The following RAPGEF4 variants were observed in gnomAD, a reference collection of about 807,000 sequenced individuals.
The protein encoded by RAPGEF4 is Rap guanine nucleotide exchange factor 4.
Under a neutral mutation model 147.9 loss-of-function variants are expected in RAPGEF4, and 66 were observed. The ratio of observed to expected loss-of-function variants is 0.45; its 90% confidence interval spans 0.37 to 0.55. The LOEUF is 0.55. Among genes scored for constraint, RAPGEF4 ranks in the 20% least tolerant of loss-of-function variants. RAPGEF4 has a pLI of 0.00. For synonymous variants in RAPGEF4, 419 were observed against 442.7 expected (o/e 0.95, Z 0.67); for missense variants, 1,071 against 1,257.3 (o/e 0.85, Z 2.24).
At chr2:172,788,498 A>C (rs1305171057) in intron 1 of RAPGEF4, among the ~76,000 whole-genome samples, 1 of 152,208 alleles carries the variant, frequency 6.6e-6, no homozygotes, top group Admixed American at 6.5e-5. Context: ...TAGCTGCTTA[A>C]AAAAGCATAC....
chr2:172,823,581 T>C (rs1192194131), intron 4 of RAPGEF4, among the ~76,000 whole-genome samples: 4 of 152,128 alleles, frequency 2.6e-5, no homozygotes, highest in Admixed American at 6.5e-5. Context: ...GTCATGGGAC[T>C]TTCCTGCTCT....
intron 10 of RAPGEF4, among the ~76,000 whole-genome samples, chr2:172,977,951 G>A (rs1237477244): frequency 1.3e-5 from 2 of 152,142 alleles, no homozygotes. Context: ...CAGACCACAG[G>A]GTTGGGGTTT....
intron 1 of RAPGEF4, among the ~76,000 whole-genome samples, chr2:172,738,286 C>G (rs1420819791): frequency 6.6e-6 from 1 of 152,138 alleles, no homozygotes; most frequent in African/African-American, 2.4e-5. Flanking sequence ...TCTTGATCTT[C>G]TTTTCCAGGC....
At chr2:172,885,150 T>C (rs1697047153) in intron 4 of RAPGEF4, among the ~76,000 whole-genome samples, 1 of 152,238 alleles carries the variant, frequency 6.6e-6, no homozygotes, top group Non-Finnish European at 1.5e-5. Flanking sequence ...CGTTTGACCA[T>C]GAGGGCTGAA....
chr2:172,945,156 A>G (rs148024801), intron 6 of RAPGEF4, among the ~76,000 whole-genome samples: 21 of 152,300 alleles, frequency 1.4e-4, no homozygotes, highest in African/African-American at 5.1e-4. Context: ...CAACTTGATG[A>G]TAAAAGAAAA....
At chr2:172,793,989 G>C (rs962188457) in intron 1 of RAPGEF4, among the ~76,000 whole-genome samples, 1 of 152,002 alleles carries the variant, frequency 6.6e-6, no homozygotes, top group Non-Finnish European at 1.5e-5. Context: ...TTAGCTGGAC[G>C]TGGTGGAGTG....
chr2:173,033,697 A>C (rs1212120885), intron 26 of RAPGEF4, among the ~76,000 whole-genome samples: 2 of 152,192 alleles, frequency 1.3e-5, no homozygotes, highest in African/African-American at 2.4e-5. Flanking sequence ...ATTCATAGTT[A>C]CTTTTGGTTC....
chr2:172,755,920 A>G (rs1040679108), intron 1 of RAPGEF4, among the ~76,000 whole-genome samples: 2 of 152,158 alleles, frequency 1.3e-5, no homozygotes, highest in Non-Finnish European at 2.9e-5. Flanking sequence ...AGTTCTATGT[A>G]ATTTCATCAC....
At chr2:172,969,860 GA>G (rs989956709) in intron 10 of RAPGEF4, among the ~76,000 whole-genome samples, 1 of 152,132 alleles carries the variant, frequency 6.6e-6, no homozygotes, top group African/African-American at 2.4e-5. Flanking sequence ...ATACACCATT[GA>G]ATCGCATGAT....
intron 1 of RAPGEF4, among the ~76,000 whole-genome samples, chr2:172,750,980 G>GTTAT (rs1695233012): frequency 6.6e-6 from 1 of 152,122 alleles, no homozygotes; most frequent in Non-Finnish European, 1.5e-5. Context: ...GCAGTCATTA[G>GTTAT]TTATTTACTG....
intron 4 of RAPGEF4, among the ~76,000 whole-genome samples, chr2:172,878,121 C>G (rs571666104): frequency 6.6e-6 from 1 of 152,108 alleles, no homozygotes; most frequent in Non-Finnish European, 1.5e-5. Context: ...AATTCTACAC[C>G]CACCTGGTGT....
intron 6 of RAPGEF4, among the ~76,000 whole-genome samples, chr2:172,953,828 C>T (rs1688464189): frequency 6.6e-6 from 1 of 152,108 alleles, no homozygotes; most frequent in Non-Finnish European, 1.5e-5. Context: ...CACTTCTCTG[C>T]TACTAGTGTA....
At chr2:172,753,096 G>A (rs1425689488) in intron 1 of RAPGEF4, among the ~76,000 whole-genome samples, 1 of 151,964 alleles carries the variant, frequency 6.6e-6, no homozygotes, top group South Asian at 2.1e-4. Flanking sequence ...ATATCCACAG[G>A]AGAAATGAGC....
At chr2:172,920,718 CTG>C (rs973394974) in intron 5 of RAPGEF4, among the ~76,000 whole-genome samples, 1 of 152,090 alleles carries the variant, frequency 6.6e-6, no homozygotes, top group Non-Finnish European at 1.5e-5. Context: ...ATTTGTGCAA[CTG>C]TGTATTTATC....
At chr2:172,881,709 A>G (rs1696653424) in intron 4 of RAPGEF4, among the ~76,000 whole-genome samples, 1 of 152,256 alleles carries the variant, frequency 6.6e-6, no homozygotes, top group African/African-American at 2.4e-5. Flanking sequence ...AATATCAGTG[A>G]AAGTGCTAAC....
chr2:172,746,931 T>C (rs1694827038), intron 1 of RAPGEF4, among the ~76,000 whole-genome samples: 1 of 152,170 alleles, frequency 6.6e-6, no homozygotes, highest in Non-Finnish European at 1.5e-5. Flanking sequence ...TACTTATAAA[T>C]TGGTGAAAAG....
intron 4 of RAPGEF4, 49 bp downstream of exon 4, chr2:172,814,474 G>C: frequency 6.3e-7 from 1 of 1,589,048 alleles, no homozygotes; most frequent in Non-Finnish European, 8.6e-7. Context: ...AGAAAAGAAA[G>C]GGAGCTGCCA....
At chr2:173,029,019 A>G (rs1298995811) in intron 25 of RAPGEF4, among the ~76,000 whole-genome samples, 3 of 152,228 alleles carry the variant, frequency 2.0e-5, no homozygotes. Flanking sequence ...GATCACATAA[A>G]GGACAGAGGC....
chr2:172,969,067 G>T (rs1690179619), intron 10 of RAPGEF4, among the ~76,000 whole-genome samples: 1 of 152,248 alleles, frequency 6.6e-6, no homozygotes, highest in African/African-American at 2.4e-5. Flanking sequence ...TCACTGGGCA[G>T]TGGCTAGGAC....
Sources: gnomAD v4.1 joint callset for allele counts (sites outside exome capture counted in the v4.1 genomes callset) on GRCh38, gnomAD v4.1.1 for gene constraint, MANE v1.5 for transcripts, NCBI Gene and HGNC (gene_info 2026-07-23, HGNC 2026-07-21) for gene names.